The following PLCB4 variants were observed in gnomAD, a reference collection of about 807,000 sequenced individuals.
The protein encoded by PLCB4 is 1-phosphatidylinositol 4,5-bisphosphate phosphodiesterase beta-4.
A neutral mutation model predicts 178.8 loss-of-function variants in PLCB4; 77 were observed. The observed-to-expected ratio is 0.43, with a 90% CI of 0.36 to 0.52. The LOEUF is 0.52. PLCB4 is among the 20% of genes least tolerant of loss of function. The pLI, the probability that PLCB4 is intolerant of heterozygous loss-of-function variation, is 0.00. For missense variants in PLCB4, 1,024 were observed against 1,453.4 expected, an observed-to-expected ratio of 0.70 and a Z score of 4.80; for synonymous variants, 496 against 490.8, an observed-to-expected ratio of 1.01 and a Z score of -0.14.
intron 2 of PLCB4, among the ~76,000 whole-genome samples, chr20:9,171,377 A>C (rs1052996761): frequency 6.6e-6 from 1 of 152,236 alleles, no homozygotes; most frequent in Non-Finnish European, 1.5e-5. Flanking sequence ...CAAAAAGTAC[A>C]GTATGCAATC....
intron 15 of PLCB4, among the ~76,000 whole-genome samples, chr20:9,389,665 AG>A (rs1277859844): frequency 6.6e-6 from 1 of 152,220 alleles, no homozygotes; most frequent in Non-Finnish European, 1.5e-5. Context: ...GAGAAGTAAA[AG>A]ATAGCTTAAA....
chr20:9,272,870 T>C (rs2094417141), intron 3 of PLCB4, among the ~76,000 whole-genome samples: 1 of 151,630 alleles, frequency 6.6e-6, no homozygotes, highest in Non-Finnish European at 1.5e-5. Flanking sequence ...CTTGTGAGCT[T>C]CTGGTTACAG....
At chr20:9,383,323 T>G (rs909693662) in intron 13 of PLCB4, among the ~76,000 whole-genome samples, 1 of 152,226 alleles carries the variant, frequency 6.6e-6, no homozygotes, top group Non-Finnish European at 1.5e-5. Context: ...ATCAAAAATG[T>G]AAATCAAATA....
chr20:9,218,732 C>A (rs529097784), intron 3 of PLCB4, among the ~76,000 whole-genome samples: 1 of 152,158 alleles, frequency 6.6e-6, no homozygotes, highest in Non-Finnish European at 1.5e-5. Flanking sequence ...TTAATGATGA[C>A]AAGAGATATC....
At chr20:9,185,363 T>G (rs944254385) in intron 2 of PLCB4, among the ~76,000 whole-genome samples, 2 of 152,194 alleles carry the variant, frequency 1.3e-5, no homozygotes, top group Non-Finnish European at 2.9e-5. Flanking sequence ...TCAGTTTTGT[T>G]CTTCAAATCA....
intron 30 of PLCB4, among the ~76,000 whole-genome samples, chr20:9,441,935 G>A (rs139804455): frequency 6.6e-6 from 1 of 150,876 alleles, no homozygotes; most frequent in Non-Finnish European, 1.5e-5. Flanking sequence ...CTGATTTTAA[G>A]AACAAAGGAT....
At chr20:9,089,512 A>G (rs1157079648) in intron 1 of PLCB4, among the ~76,000 whole-genome samples, 3 of 152,110 alleles carry the variant, frequency 2.0e-5, no homozygotes, top group Admixed American at 1.3e-4. Context: ...CATTTTTTCC[A>G]TGAGTGACAA....
At chr20:9,101,213 C>T (rs115564646) in intron 2 of PLCB4, among the ~76,000 whole-genome samples, 159 of 152,276 alleles carry the variant, frequency 1.0e-3, no homozygotes, top group African/African-American at 3.8e-3. Flanking sequence ...ATGATTTGTC[C>T]TCACCAACAC....
At chr20:9,169,299 T>G (rs2093025337) in intron 2 of PLCB4, among the ~76,000 whole-genome samples, 1 of 152,012 alleles carries the variant, frequency 6.6e-6, no homozygotes. Context: ...ATATGTGTCT[T>G]GAGTTCTCAA....
At chr20:9,300,797 T>G (rs1346121074) in intron 3 of PLCB4, among the ~76,000 whole-genome samples, 2 of 152,140 alleles carry the variant, frequency 1.3e-5, no homozygotes, top group Admixed American at 1.3e-4. Flanking sequence ...ATTTGGCAAC[T>G]TTTTAGTTCT....
chr20:9,125,938 A>C (rs2146780638), intron 2 of PLCB4, among the ~76,000 whole-genome samples: 1 of 152,238 alleles, frequency 6.6e-6, no homozygotes, highest in Middle Eastern at 3.4e-3. Context: ...CATTAACCTA[A>C]GGTCACTATG....
intron 7 of PLCB4, among the ~76,000 whole-genome samples, chr20:9,352,930 C>A (rs190662865): frequency 3.9e-5 from 6 of 152,302 alleles, no homozygotes; most frequent in Non-Finnish European, 8.8e-5. Flanking sequence ...ATTTAAAAAT[C>A]ATATGACACT....
intron 3 of PLCB4, among the ~76,000 whole-genome samples, chr20:9,302,452 C>G (rs528192268): frequency 6.6e-6 from 1 of 152,054 alleles, no homozygotes; most frequent in East Asian, 1.9e-4. Context: ...CCAGCTAGTG[C>G]CCCTGATGCC....
At chr20:9,179,172 A>G (rs1329122875) in intron 2 of PLCB4, among the ~76,000 whole-genome samples, 2 of 152,144 alleles carry the variant, frequency 1.3e-5, no homozygotes, top group African/African-American at 4.8e-5. Flanking sequence ...GGACTGTTTG[A>G]TAAGATTGGT....
At chr20:9,414,582 A>T (rs2040109924) in intron 25 of PLCB4, among the ~76,000 whole-genome samples, 1 of 152,212 alleles carries the variant, frequency 6.6e-6, no homozygotes, top group Admixed American at 6.5e-5. Flanking sequence ...ATAGAACATC[A>T]GTGTGCAAAG....
chr20:9,108,594 G>A (rs949174879), intron 2 of PLCB4, among the ~76,000 whole-genome samples: 1 of 150,918 alleles, frequency 6.6e-6, no homozygotes, highest in African/African-American at 2.4e-5. Flanking sequence ...TGATGATGAT[G>A]ATAATACTAA....
At chr20:9,081,768 C>CATAAAA in intron 1 of PLCB4, among the ~76,000 whole-genome samples, 1 of 90,474 alleles carries the variant, frequency 1.1e-5, no homozygotes, top group East Asian at 3.5e-4. Context: ...GATGATTAAG[C>CATAAAA]AAAAAAAAAA....
At chr20:9,278,430 CTACATTTTCAGGTACT>C (rs2094467886) in intron 3 of PLCB4, among the ~76,000 whole-genome samples, 1 of 152,000 alleles carries the variant, frequency 6.6e-6, no homozygotes, top group South Asian at 2.1e-4. Context: ...CTGTGTTAAT[CTACATTTTCAGGTACT>C]TCTACTCAAG....
At position 9,421,285 on chromosome 20, in the gene PLCB4, G is replaced by T. The variant is rs769351021; in HGVS notation, c.2155-12G>T. The T allele has an allele frequency of 1.3e-6, 2 of 1,598,646 alleles. No homozygotes were observed. Among genetic ancestry groups the T allele is most frequent in the South Asian group, 2.2e-5 (2 of 89,838 alleles). On this transcript the variant is annotated splice_polypyrimidine_tract_variant and intron_variant, in intron 26 of 39. Coordinates refer to ENST00000378473, the MANE Select transcript of PLCB4 (RefSeq NM_001377142.1). ...AGCTTACTTCTCTTTGCTCTCGTTC[G>T]TGCTGCTACAGGTTATATCAGGTCA...
Sources: allele counts gnomAD v4.1 joint callset (sites outside exome capture counted in the v4.1 genomes callset), GRCh38; gene constraint gnomAD v4.1.1; transcripts MANE v1.5; gene names NCBI Gene and HGNC (gene_info 2026-07-23, HGNC 2026-07-21).